RIMBP2: variants seen among roughly 807,000 people sequenced by gnomAD.
The protein encoded by RIMBP2 is RIMS-binding protein 2.
Under a neutral mutation model 118.6 loss-of-function variants are expected in RIMBP2, and 48 were observed. The observed-to-expected ratio is 0.40, with a 90% CI of 0.32 to 0.51. The LOEUF (loss-of-function observed/expected upper bound fraction) is 0.51, where lower values mean the gene tolerates loss of function less well. Ranked by LOEUF, RIMBP2 falls within the 20% of genes least tolerant of loss-of-function variation. The probability of loss-of-function intolerance (pLI) is 0.41; values close to 1 mark genes in which losing one functional copy is unlikely to be tolerated. For missense variants in RIMBP2, 1,551 were observed against 1,768.3 expected (o/e 0.88, Z 2.20); for synonymous variants, 762 against 742.9 (o/e 1.03, Z -0.42).
rs1269734180 is a variant in RIMBP2 at position 130,646,433 on chromosome 12, A to G, written c.-351-17977T>C. Among the ~76,000 whole-genome samples the G allele has an allele frequency of 1.5e-3, 89 of 59,662 alleles. 35 individuals are homozygous for G. The highest frequency in any genetic ancestry group is 3.2e-3 in the Admixed American group (20 of 6,316). 39.1% of individuals were successfully genotyped at this position (59,662 alleles called of 152,430 possible). On this transcript the variant is annotated intron_variant, in intron 1 of 22. Transcript: ENST00000690449. ...CACCTCCCTCACCACTTCCCTCTCC[A>G]CCTCCCTTGCCACCTCCCTCGCCAC...
chr12:130,595,048 T>C (rs985698360), intron 2 of RIMBP2, among the ~76,000 whole-genome samples: 3 of 152,194 alleles, frequency 2.0e-5, no homozygotes, highest in Non-Finnish European at 4.4e-5. Flanking sequence ...ATCTATAAGA[T>C]TGGCACTAGC....
Position 130,475,240 on chromosome 12 carries a change from G to A in RIMBP2, c.102+3672C>T, listed in dbSNP as rs1566104482. Among the ~76,000 whole-genome samples, 1 of 152,102 alleles carries A rather than the reference G, an allele frequency of 6.6e-6. No homozygotes were observed. Among genetic ancestry groups the A allele is most frequent in the Admixed American group, 6.5e-5 (1 of 15,280 alleles). ...TGCTTTCCCTTTCACATGATCTTAC[G>A]TGCTTCTCCCGACCGCCATGCAGGG... is the stretch of plus-strand genomic sequence containing the variant. On this transcript the variant is annotated intron_variant, in intron 5 of 22. Transcript: ENST00000690449. This position sits in a 1 kb window ranked among gnomAD's most constrained non-coding sequence, Gnocchi z 4.1.
intron 2 of RIMBP2, among the ~76,000 whole-genome samples, chr12:130,542,496 C>T (rs1448887849): frequency 6.6e-6 from 1 of 152,030 alleles, no homozygotes; most frequent in Non-Finnish European, 1.5e-5. Context: ...AATCCTGCTG[C>T]AGAAAAAAGA....
At chr12:130,425,098 G>A (rs1044072969) in intron 15 of RIMBP2, 129 of 375,258 alleles carry the variant, frequency 3.4e-4, no homozygotes, top group Non-Finnish European at 4.8e-4. Flanking sequence ...CCAGCGGGCC[G>A]GGCAGGAGCC....
chr12:130,604,442 G>A (rs1197076770), intron 2 of RIMBP2, among the ~76,000 whole-genome samples: 1 of 149,016 alleles, frequency 6.7e-6, no homozygotes, highest in Admixed American at 6.8e-5. Context: ...GTCGTGCAGT[G>A]GAACATCCTA....
rs1209500875 is a variant in RIMBP2 at position 130,442,492 on chromosome 12, G to A, written c.860C>T (p.Pro287Leu). 1 of 1,614,158 alleles carries A rather than the reference G, an allele frequency of 6.2e-7. No individual in the cohort carries two copies. The highest frequency in any genetic ancestry group is 1.7e-5 in the Admixed American group (1 of 60,014). The change falls in exon 11 of 23, where the codon CCA becomes CTA. Residue 287 changes from proline to leucine, a missense_variant. Around this residue, in one of 5 missense-constraint regions of RIMBP2, gnomAD observed 265 missense variants for 349.5 expected, o/e 0.76. Coordinates refer to ENST00000690449, the MANE Select transcript of RIMBP2 (RefSeq NM_001393629.1). The surrounding 1 kb of genome is among the most constrained non-coding windows in gnomAD (Gnocchi z 6.9). Reference sequence around the variant, plus strand: ...GGTGATGCCCGCATCTATGTGGGTTGGGGAGTGGAGGTCCAGGATGTGCTC... The same window carrying A: ...GGTGATGCCCGCATCTATGTGGGTTAGGGAGTGGAGGTCCAGGATGTGCTC... The part of the protein sequence containing the change: ...EGEHILDLHS[P>L]THIDAGITDN...
intron 2 of RIMBP2, among the ~76,000 whole-genome samples, chr12:130,559,334 A>T (rs748595864): frequency 6.7e-4 from 101 of 151,698 alleles, no homozygotes; most frequent in Non-Finnish European, 9.9e-4. Flanking sequence ...CCCTGGCCCC[A>T]ACCTCTGGTA....
chr12:130,495,406 G>A (rs575393075), intron 4 of RIMBP2, among the ~76,000 whole-genome samples: 1 of 149,630 alleles, frequency 6.7e-6, no homozygotes, highest in South Asian at 2.2e-4. Context: ...TCAGGCCACT[G>A]TCATCACGTG....
intron 2 of RIMBP2, among the ~76,000 whole-genome samples, chr12:130,535,949 T>G (rs1367952296): frequency 1.3e-5 from 2 of 151,594 alleles, no homozygotes; most frequent in African/African-American, 2.4e-5. Context: ...CCGCTGATTT[T>G]TTGTTGTTGT....
chr12:130,422,415 C>A lies in RIMBP2; in HGVS notation c.3238+38G>T. The A allele has an allele frequency of 7.0e-7, 1 of 1,433,048 alleles. No individual in the cohort carries two copies. The allele number at this position is 1,433,048 out of a possible 1,614,324, so 88.8% of individuals were successfully genotyped here. Reference sequence around the variant, plus strand: ...ATGGAGTAAGCAGCCACATGCTCCGCGGCTGAAAGACACAACAGCGATGAT... The same window carrying A: ...ATGGAGTAAGCAGCCACATGCTCCGAGGCTGAAAGACACAACAGCGATGAT... On this transcript the variant is annotated intron_variant, in intron 17 of 22. Transcript: ENST00000690449. This position sits in a 1 kb window ranked among gnomAD's most constrained non-coding sequence, Gnocchi z 5.2.
chr12:130,461,346 G>A (rs1035776627), intron 6 of RIMBP2, among the ~76,000 whole-genome samples: 3 of 152,188 alleles, frequency 2.0e-5, no homozygotes, highest in Admixed American at 6.5e-5. Flanking sequence ...GCCAGCAGGG[G>A]CAGGGGCAGG....
chr12:130,557,749 A>G (rs113540682), intron 2 of RIMBP2, among the ~76,000 whole-genome samples: 1 of 152,234 alleles, frequency 6.6e-6, no homozygotes, highest in Non-Finnish European at 1.5e-5. Flanking sequence ...ATTGATTTTT[A>G]AAAACATATT....
In RIMBP2 at chr12:130,594,690, GGTGTGGGTATGTTT is replaced by G. The variant is rs74750723; in HGVS notation, c.-217+33618_-217+33631del. Among the ~76,000 whole-genome samples the G allele has an allele frequency of 7.4e-3, 1,129 of 152,212 alleles. 5 individuals carry two copies. Among genetic ancestry groups the G allele is most frequent in the Middle Eastern group, 0.014 (4 of 294 alleles). On this transcript the variant is annotated intron_variant, in intron 2 of 22. Coordinates refer to ENST00000690449, the MANE Select transcript of RIMBP2 (RefSeq NM_001393629.1). Reference sequence around the variant, plus strand: ...TTGGACAAGCTTGTTTTAAGGGGGGGGTGTGGGTATGTTTGTGTATATGGAAGTATGTATGTACA... The same window carrying G: ...TTGGACAAGCTTGTTTTAAGGGGGGGGTGTATATGGAAGTATGTATGTACA...
At chr12:130,479,130 C>T in intron 4 of RIMBP2, 114 bp from the exon 5 acceptor site, 1 of 707,266 alleles carries the variant, frequency 1.4e-6, no homozygotes, top group Non-Finnish European at 2.2e-6. Flanking sequence ...AGAGCAGCCC[C>T]TCACCGCCCC....
At chr12:130,466,959 G>A (rs926606514) in intron 6 of RIMBP2, among the ~76,000 whole-genome samples, 1 of 152,218 alleles carries the variant, frequency 6.6e-6, no homozygotes, top group Non-Finnish European at 1.5e-5. Flanking sequence ...GCTCATCAGA[G>A]ACTCAAAAGA....
chr12:130,563,145 A>G (rs944287766), intron 2 of RIMBP2, among the ~76,000 whole-genome samples: 5 of 152,262 alleles, frequency 3.3e-5, no homozygotes, highest in African/African-American at 1.2e-4. Context: ...TTCAAAAAGC[A>G]TCTTAAAATC....
Position 130,475,420 on chromosome 12 carries a change from T to G in RIMBP2, c.102+3492A>C, listed in dbSNP as rs1014425834. ...ATCCCACCAAGGAATCTCTAAGTAC[T>G]GCACAATGTGGCACAATCCACCTGT... On this transcript the variant is annotated intron_variant, in intron 5 of 22. Transcript: ENST00000690449. This position sits in a 1 kb window ranked among gnomAD's most constrained non-coding sequence, Gnocchi z 4.1. 6.6e-6 allele frequency among the ~76,000 whole-genome samples: 1 copy of G among 152,314 alleles called. No homozygotes were observed. Among genetic ancestry groups the G allele is most frequent in the Admixed American group, 6.5e-5 (1 of 15,308 alleles).
chr12:130,627,285 G>T (rs2061704311), intron 2 of RIMBP2, among the ~76,000 whole-genome samples: 1 of 152,252 alleles, frequency 6.6e-6, no homozygotes, highest in African/African-American at 2.4e-5. Flanking sequence ...AATGCAGGTG[G>T]AACAGTCAGT....
chr12:130,509,905 T>C (rs1222825500), intron 3 of RIMBP2, among the ~76,000 whole-genome samples: 5 of 152,230 alleles, frequency 3.3e-5, no homozygotes, highest in African/African-American at 7.2e-5. Flanking sequence ...GCTCCCTACA[T>C]AAGGAGTTTC....
Sources: allele counts gnomAD v4.1 joint callset (sites outside exome capture counted in the v4.1 genomes callset), GRCh38; gene constraint gnomAD v4.1.1; regional missense constraint gnomAD v4.1.1; non-coding constraint Gnocchi (gnomAD v3.1); transcripts MANE v1.5; gene names NCBI Gene and HGNC (gene_info 2026-07-23, HGNC 2026-07-21).